The following IL7 variants were observed in gnomAD, a reference collection of about 807,000 sequenced individuals.
IL7 encodes the protein interleukin-7.
Under a neutral mutation model 21.6 loss-of-function variants are expected in IL7, and 3 were observed. The observed-to-expected ratio is 0.14, with a 90% CI of 0.06 to 0.36. The LOEUF (loss-of-function observed/expected upper bound fraction) is 0.36, where lower values mean the gene tolerates loss of function less well. Ranked by LOEUF, IL7 falls within the 10% of genes least tolerant of loss-of-function variation. IL7 has a pLI of 1.00. For missense variants in IL7, 175 were observed against 200.2 expected (o/e 0.87, Z 0.76); for synonymous variants, 62 against 68.1 (o/e 0.91, Z 0.44).
chr8:78,756,297 G>A (rs971485624), intron 2 of IL7, among the ~76,000 whole-genome samples: 3 of 151,936 alleles, frequency 2.0e-5, no homozygotes, highest in Middle Eastern at 3.4e-3. Flanking sequence ...TCTTTATCTG[G>A]TATTGCTATC....
intron 2 of IL7, among the ~76,000 whole-genome samples, chr8:78,774,426 G>C (rs994593578): frequency 2.0e-5 from 3 of 152,026 alleles, no homozygotes; most frequent in Admixed American, 6.6e-5. Flanking sequence ...AAAGTGTTTT[G>C]TACTAAATTT....
chr8:78,802,764 A>T (rs188266120), intron 1 of IL7, among the ~76,000 whole-genome samples: 452 of 152,256 alleles, frequency 3.0e-3, no homozygotes, highest in Non-Finnish European at 4.6e-3. Context: ...TAGATATGGA[A>T]TTCAAATCCA....
intron 3 of IL7, among the ~76,000 whole-genome samples, chr8:78,690,277 C>T (rs1254508848): frequency 6.6e-6 from 1 of 152,130 alleles, no homozygotes; most frequent in East Asian, 1.9e-4. Context: ...TTTTCTTTGG[C>T]AGCCGGGTGC....
chr8:78,782,176 G>C (rs1813354847), intron 2 of IL7, among the ~76,000 whole-genome samples: 2 of 152,158 alleles, frequency 1.3e-5, no homozygotes, highest in Non-Finnish European at 1.5e-5. Context: ...TTGGCTCAGT[G>C]AAGTTCATTA....
chr8:78,686,486 C>A, intron 3 of IL7: 1 of 1,512,148 alleles, frequency 6.6e-7, no homozygotes, highest in African/African-American at 1.4e-5. Context: ...CCAAAGAAAC[C>A]ATCTAATTGG....
intron 2 of IL7, among the ~76,000 whole-genome samples, chr8:78,740,706 T>C (rs1414769758): frequency 6.6e-6 from 1 of 152,232 alleles, no homozygotes; most frequent in African/African-American, 2.4e-5. Flanking sequence ...TCTGCATTAG[T>C]ACTTTGAAAT....
intron 2 of IL7, among the ~76,000 whole-genome samples, chr8:78,777,316 T>C (rs1813164494): frequency 6.6e-6 from 1 of 152,092 alleles, no homozygotes; most frequent in Admixed American, 6.6e-5. Flanking sequence ...AATGGAAGTC[T>C]GGCCAGGTAT....
At chr8:78,768,047 T>G (rs1043793935) in intron 2 of IL7, among the ~76,000 whole-genome samples, 3 of 152,190 alleles carry the variant, frequency 2.0e-5, no homozygotes, top group African/African-American at 7.2e-5. Context: ...TGTGATAGTT[T>G]ACTGAGAATG....
chr8:78,680,496 A>C (rs774120779), intron 4 of IL7, among the ~76,000 whole-genome samples: 2 of 152,178 alleles, frequency 1.3e-5, no homozygotes, highest in African/African-American at 4.8e-5. Context: ...AGTCGTATGC[A>C]CATTAAAGTT....
chr8:78,766,901 T>A (rs1586084928), intron 2 of IL7, among the ~76,000 whole-genome samples: 1 of 152,276 alleles, frequency 6.6e-6, no homozygotes, highest in East Asian at 1.9e-4. Context: ...TCTACCAGCA[T>A]ATAAAGGAGG....
chr8:78,724,656 A>G (rs1268537220), intron 3 of IL7, among the ~76,000 whole-genome samples: 2 of 152,072 alleles, frequency 1.3e-5, no homozygotes, highest in Non-Finnish European at 2.9e-5. Flanking sequence ...TGAAAATTCA[A>G]AAATAGGTTT....
chr8:78,713,451 C>T (rs909637670), downstream of IL7, among the ~76,000 whole-genome samples: 8 of 150,512 alleles, frequency 5.3e-5, no homozygotes, highest in Non-Finnish European at 8.9e-5. Context: ...GCACTTAAGA[C>T]GATTCTATAG....
chr8:78,699,123 G>A (rs951007407), intron 3 of IL7, among the ~76,000 whole-genome samples: 1 of 10,306 alleles, frequency 9.7e-5, no homozygotes, highest in Non-Finnish European at 1.7e-4. Context: ...TTTTAATAAG[G>A]TGATTCTGTT....
chr8:78,797,394 A>G (rs1379202204), intron 2 of IL7, among the ~76,000 whole-genome samples: 1 of 151,994 alleles, frequency 6.6e-6, no homozygotes, highest in Non-Finnish European at 1.5e-5. Context: ...AATGTTAACT[A>G]TGCACTTATG....
At chr8:78,769,186 C>T (rs1812866597) in intron 2 of IL7, among the ~76,000 whole-genome samples, 1 of 151,382 alleles carries the variant, frequency 6.6e-6, no homozygotes, top group Non-Finnish European at 1.5e-5. Context: ...CTGGCCAGGG[C>T]AATTAGGCAG....
At position 78,733,824 on chromosome 8, in the gene IL7, A is replaced by C; in HGVS notation, c.423T>G (p.Asn141Lys). The change falls in exon 6 of 6, where the codon AAT becomes AAG. Residue 141 changes from asparagine to lysine, a missense_variant. By Grantham distance (94) the Asn-to-Lys change is moderately conservative (BLOSUM62 0). Transcript: ENST00000263851. ...GTTTTTTCTGTTCCTTTAAAGATTT[A>C]TTTTCTTCCTAGAGAATAGAGTTTT... The part of the protein sequence containing the change: ...EAQPTKSLEE[N>K]KSLKEQKKLN... 6 of 1,547,160 alleles carry C rather than the reference A, an allele frequency of 3.9e-6. No homozygotes were observed. Among genetic ancestry groups the C allele is most frequent in the Non-Finnish European group, 5.2e-6 (6 of 1,144,176 alleles).
At chr8:78,788,560 A>G (rs545134370) in intron 2 of IL7, among the ~76,000 whole-genome samples, 1 of 151,974 alleles carries the variant, frequency 6.6e-6, no homozygotes, top group African/African-American at 2.4e-5. Flanking sequence ...ATTGATTTCT[A>G]CTTCAATTAC....
intron 2 of IL7, among the ~76,000 whole-genome samples, chr8:78,744,776 TC>T (rs1470307225): frequency 1.1e-4 from 17 of 152,156 alleles, no homozygotes; most frequent in Non-Finnish European, 1.5e-4. Flanking sequence ...CTCCCGTATC[TC>T]TGTGTATTAG....
chr8:78,760,930 G>A, intron 2 of IL7: 2 of 1,558,126 alleles, frequency 1.3e-6, no homozygotes, highest in South Asian at 2.5e-5. Context: ...GCCCCTGGAG[G>A]TTTTTCCCAA....
Sources: gnomAD v4.1 joint callset for allele counts (sites outside exome capture counted in the v4.1 genomes callset) on GRCh38, gnomAD v4.1.1 for gene constraint, MANE v1.5 for transcripts, NCBI Gene and HGNC (gene_info 2026-07-23, HGNC 2026-07-21) for gene names.